Variants in SCAND1 observed in about 807,000 individuals in gnomAD.
SCAND1 encodes SCAN domain containing 1, also known as SCAN domain-containing protein 1.
A neutral mutation model predicts 3.4 loss-of-function variants in SCAND1; 3 were observed. The ratio of observed to expected loss-of-function variants is 0.87; its 90% CI spans 0.40 to 2.25. The LOEUF (loss-of-function observed/expected upper bound fraction) is 2.25, where lower values mean the gene tolerates loss of function less well. SCAND1 is among the 30% of genes most tolerant of loss of function. The probability of loss-of-function intolerance (pLI) is 0.05; values close to 1 mark genes in which losing one functional copy is unlikely to be tolerated. For missense variants in SCAND1, 303 were observed against 258.8 expected (o/e 1.17, Z -1.17); for synonymous variants, 152 against 120.5 (o/e 1.26, Z -1.72).
chr20:35,956,829 G>A (rs1209653206), upstream of SCAND1, among the ~76,000 whole-genome samples: 1 of 152,176 alleles, frequency 6.6e-6, no homozygotes, highest in Non-Finnish European at 1.5e-5. Context: ...AATGGGTGGG[G>A]CTCAGGGACA....
chr20:35,955,880 C>A (rs1018368710), upstream of SCAND1, among the ~76,000 whole-genome samples: 1 of 152,166 alleles, frequency 6.6e-6, no homozygotes, highest in African/African-American at 2.4e-5. Context: ...CCACCACACC[C>A]GGCTAATATT....
chr20:35,954,570 CT>C, upstream of SCAND1: 1 of 1,464,226 alleles, frequency 6.8e-7, no homozygotes, highest in Non-Finnish European at 9.2e-7. Context: ...CTCTAGCGTT[CT>C]CGAGTCGCAT....
chr20:35,956,047 A>G (rs1202932411), upstream of SCAND1, among the ~76,000 whole-genome samples: 1 of 152,170 alleles, frequency 6.6e-6, no homozygotes, highest in Non-Finnish European at 1.5e-5. Context: ...TCCTCATTTT[A>G]CAGAAGGGGA....
chr20:35,955,878 C>T (rs1007041313), upstream of SCAND1, among the ~76,000 whole-genome samples: 1 of 152,180 alleles, frequency 6.6e-6, no homozygotes, highest in South Asian at 2.1e-4. Flanking sequence ...CACCACCACA[C>T]CCGGCTAATA....
upstream of SCAND1, among the ~76,000 whole-genome samples, chr20:35,957,361 C>T (rs1200414321): frequency 5.9e-5 from 9 of 151,914 alleles, no homozygotes; most frequent in East Asian, 1.4e-3. Context: ...CATAGGCAGG[C>T]GGATCACCTG....
chr20:35,954,085 G>T lies in SCAND1; in HGVS notation c.200C>A (p.Ala67Glu). 5 of 1,536,064 alleles carry T rather than the reference G, an allele frequency of 3.3e-6. No individual in the cohort carries two copies. The highest frequency in any genetic ancestry group is 4.4e-6 in the Non-Finnish European group (5 of 1,137,690). Residue 67 changes from alanine to glutamate, a missense_variant, in exon 2 of 2, where the codon GCG becomes GAG. By Grantham distance (107) the Ala-to-Glu change is moderately radical (BLOSUM62 -1). Transcript: ENST00000305978. ...VPEAIPTPRA[A>E]ASAALELPLG... ...AGGCAGCTCCAGGGCCGCGGAGGCC[G>T]CAGCTCGGGGCGTAGGGATGGCTTC...
rs1461675363 is a variant in SCAND1 at position 35,954,435 on chromosome 20, G to A, written c.-56+13C>T. Reference sequence around the variant, plus strand: ...GTCGGACTCGGGACCGGCCGAGAGTGTGCGGAGCTTACCTGCACCAGCGAA... The same window carrying A: ...GTCGGACTCGGGACCGGCCGAGAGTATGCGGAGCTTACCTGCACCAGCGAA... On this transcript the variant is annotated intron_variant, in intron 1 of 1. Transcript: ENST00000305978. 11 of 1,550,082 alleles carry A rather than the reference G, an allele frequency of 7.1e-6. No homozygotes were observed. Among genetic ancestry groups the A allele is most frequent in the South Asian group, 1.2e-5 (1 of 83,566 alleles).
At chr20:35,957,899 A>T (rs2056272098), upstream of SCAND1, 1 of 152,112 alleles carries the variant, frequency 6.6e-6, no homozygotes, top group Admixed American at 6.5e-5. Context: ...ATCTCATATC[A>T]CTTAGCTTCC....
chr20:35,953,903 G>T lies in SCAND1; in HGVS notation c.382C>A (p.Gln128Lys). ...CACTGGCGGGACAGCTCCCGCAGCT[G>T]CCGGAAAGCCTCCCGGGGACCCGCC... ...DAAGPREAFR[Q>K]LRELSRQWLR... The change falls in exon 2 of 2, where the codon CAG (glutamine) becomes AAG (lysine). Residue 128 changes from glutamine to lysine, a missense_variant. By Grantham distance (53) the Gln-to-Lys change is moderately conservative. Transcript: ENST00000305978. The T allele has an allele frequency of 1.3e-6, 2 of 1,556,180 alleles. No individual in the cohort carries two copies. The highest frequency in any genetic ancestry group is 1.2e-5 in the South Asian group (1 of 86,244).
chr20:35,959,260 T>C (rs2056287249), upstream of SCAND1, among the ~76,000 whole-genome samples: 1 of 152,198 alleles, frequency 6.6e-6, no homozygotes, highest in African/African-American at 2.4e-5. Flanking sequence ...GAAGAGATAA[T>C]ACTTCCTTGA....
At chr20:35,955,689 G>A (rs2056249302), upstream of SCAND1, among the ~76,000 whole-genome samples, 2 of 152,318 alleles carry the variant, frequency 1.3e-5, no homozygotes, top group African/African-American at 2.4e-5. Context: ...TCAGTGAGAT[G>A]ATGTAGGTAA....
At position 35,954,476 on chromosome 20, in the gene SCAND1, G is replaced by A. The variant is rs1568832156; in HGVS notation, c.-84C>T. 5 of 1,546,708 alleles carry A rather than the reference G, an allele frequency of 3.2e-6. No homozygotes were observed. Among genetic ancestry groups the A allele is most frequent in the Non-Finnish European group, 4.4e-6 (5 of 1,145,396 alleles). ...CACCAGCGAAGCGCCTGCGGCAGCCGGAAGCGAAAGTCTCTGGCTTCTCTG... is the reference window on the plus strand; with the variant it reads ...CACCAGCGAAGCGCCTGCGGCAGCCAGAAGCGAAAGTCTCTGGCTTCTCTG... On this transcript the variant is annotated 5_prime_UTR_variant, in exon 1 of 2. Coordinates refer to ENST00000305978, the MANE Select transcript of SCAND1 (RefSeq NM_033630.3).
intron 1 of SCAND1, 53 bp downstream of exon 1, chr20:35,954,395 G>C: frequency 6.4e-7 from 1 of 1,561,490 alleles, no homozygotes; most frequent in Non-Finnish European, 8.7e-7. Flanking sequence ...CAGAGCTCGC[G>C]TCACCCTTGA....
Position 35,954,200 on chromosome 20 carries a change from A to G in SCAND1, c.85T>C (p.Ser29Pro). Residue 29 changes from serine to proline, a missense_variant, in exon 2 of 2, where the codon TCA (serine) becomes CCA (proline). Physicochemically the swap from Ser to Pro is moderately conservative, Grantham distance 74 (BLOSUM62 -1). Coordinates refer to ENST00000305978, the MANE Select transcript of SCAND1 (RefSeq NM_033630.3). ...CCCACACAGTTACGCTCAGGGGCTG[A>G]GCTCGAACCGGCTCCTTCCAGTTTC... ...PEKLEGAGSS[S>P]APERNCVGSS... The G allele has an allele frequency of 6.2e-7, 1 of 1,612,120 alleles. No homozygotes were observed. The highest frequency in any genetic ancestry group is 8.5e-7 in the Non-Finnish European group (1 of 1,179,888).
chr20:35,958,584 A>T (rs974734669), upstream of SCAND1, among the ~76,000 whole-genome samples: 1 of 152,224 alleles, frequency 6.6e-6, no homozygotes, highest in African/African-American at 2.4e-5. Flanking sequence ...CAGGAAATTG[A>T]CATTGGTACA....
rs1232330610 is a variant in SCAND1, at chr20:35,954,259, G to C, written c.26C>G (p.Ala9Gly). The change falls in exon 2 of 2, where the codon GCG becomes GGG. Residue 9 changes from alanine to glycine, a missense_variant. Coordinates refer to ENST00000305978, the MANE Select transcript of SCAND1 (RefSeq NM_033630.3). Reference protein sequence around the residue: MAATEPILAATGSPAAVPP... With the variant: MAATEPILGATGSPAAVPP... Reference sequence around the variant, plus strand: ...CACCGCCGCGGGACTCCCAGTGGCCGCCAAGATCGGCTCCGTAGCCGCCAT... The same window carrying C: ...CACCGCCGCGGGACTCCCAGTGGCCCCCAAGATCGGCTCCGTAGCCGCCAT... The C allele has an allele frequency of 1.2e-6, 2 of 1,612,970 alleles. No homozygotes were observed. Among genetic ancestry groups the C allele is most frequent in the Non-Finnish European group, 1.7e-6 (2 of 1,179,894 alleles).
chr20:35,958,813 A>G (rs533734367), upstream of SCAND1: 4 of 152,320 alleles, frequency 2.6e-5, no homozygotes, highest in Non-Finnish European at 4.4e-5. Flanking sequence ...GGCAACCACT[A>G]ATCTATTCTC....
Position 35,953,932 on chromosome 20 carries a change from T to C in SCAND1, c.353A>G (p.Asp118Gly). ...RQRFRQFRYQ[D>G]AAGPREAFRQ... Reference sequence around the variant, plus strand: ...GAAAGCCTCCCGGGGACCCGCCGCATCCTGGTAGCGGAACTGCCGGAAACG... The same window carrying C: ...GAAAGCCTCCCGGGGACCCGCCGCACCCTGGTAGCGGAACTGCCGGAAACG... The change falls in exon 2 of 2, where the codon GAT becomes GGT. Residue 118 changes from aspartate (D) to glycine (G), a missense_variant. Transcript: ENST00000305978. 2 of 1,579,684 alleles carry C rather than the reference T, an allele frequency of 1.3e-6. No individual in the cohort carries two copies. The highest frequency in any genetic ancestry group is 1.7e-6 in the Non-Finnish European group (2 of 1,164,454).
At chr20:35,954,612 G>T, upstream of SCAND1, 2 of 1,360,044 alleles carry the variant, frequency 1.5e-6, no homozygotes, top group Non-Finnish European at 1.9e-6. Context: ...GGTGCGGGAG[G>T]GCGAGCTGCG....
Sources: allele counts gnomAD v4.1 joint callset (sites outside exome capture counted in the v4.1 genomes callset), GRCh38; gene constraint gnomAD v4.1.1; transcripts MANE v1.5; gene names NCBI Gene and HGNC (gene_info 2026-07-23, HGNC 2026-07-21).